Variants in PIEZO2 observed in about 807,000 individuals in gnomAD.
The protein encoded by PIEZO2 is piezo type mechanosensitive ion channel component 2, also known as piezo-type mechanosensitive ion channel component 2.
A neutral mutation model predicts 337.3 loss-of-function variants in PIEZO2; 172 were observed. The ratio of observed to expected loss-of-function variants is 0.51; its 90% confidence interval spans 0.45 to 0.58. The LOEUF is 0.58. PIEZO2 is among the 20% of genes least tolerant of loss of function. The probability of loss-of-function intolerance (pLI) is 0.00; values close to 1 mark genes in which losing one functional copy is unlikely to be tolerated. For missense variants in PIEZO2, 3,028 were observed against 3,391.3 expected (o/e 0.89, Z 2.66); for synonymous variants, 1,251 against 1,228.5 (o/e 1.02, Z -0.38).
Position 10,697,733 on chromosome 18 carries a change from T to C in PIEZO2, c.6827+15A>G, listed in dbSNP as rs899883883. 3 of 1,612,056 alleles carry C rather than the reference T, an allele frequency of 1.9e-6. No homozygotes were observed. Among genetic ancestry groups the C allele is most frequent in the Non-Finnish European group, 1.7e-6 (2 of 1,179,716 alleles). ...TACAATAAAGCACACATGCCATATG[T>C]TCTCATGGACTCACTTCTTTATGGT... On this transcript the variant is annotated intron_variant, in intron 45 of 55. Coordinates refer to ENST00000674853, the MANE Select transcript of PIEZO2 (RefSeq NM_001378183.1).
intron 2 of PIEZO2, among the ~76,000 whole-genome samples, chr18:11,026,650 C>T (rs1030078961): frequency 1.3e-5 from 2 of 152,248 alleles, no homozygotes; most frequent in East Asian, 1.9e-4. Context: ...GCTGCTCCCT[C>T]AGCCTGAATG....
chr18:11,004,464 A>G (rs2035652301), intron 2 of PIEZO2, among the ~76,000 whole-genome samples: 1 of 152,184 alleles, frequency 6.6e-6, no homozygotes, highest in Non-Finnish European at 1.5e-5. Context: ...GTGGGAAGAA[A>G]AGGTATGAGT....
In PIEZO2 at chr18:10,751,108, G is replaced by T. The variant is rs974064353; in HGVS notation, c.4168-921C>A. ...CATCCTTTTGTTTCTCAAAAATGTT[G>T]TAATAATTATCATTAACCCATTGCA... On this transcript the variant is annotated intron_variant, in intron 28 of 55. Transcript: ENST00000674853. 2.6e-5 allele frequency among the ~76,000 whole-genome samples: 4 copies of T among 152,182 alleles called. No individual in the cohort carries two copies. In the South Asian group the frequency reaches 6.2e-4, roughly 24 times the overall value.
In PIEZO2 at chr18:10,899,724, A is replaced by C. The variant is rs264175; in HGVS notation, c.329+11462T>G. Reference sequence around the variant, plus strand: ...CTGTCTACTGTTCATCATGCTGTCTACACCAAGACTTGAAATGTTTCAGTG... The same window carrying C: ...CTGTCTACTGTTCATCATGCTGTCTCCACCAAGACTTGAAATGTTTCAGTG... On this transcript the variant is annotated intron_variant, in intron 4 of 55. Transcript: ENST00000674853. This position sits in a 1 kb window ranked among gnomAD's most constrained non-coding sequence, Gnocchi z 4.6. Among the ~76,000 whole-genome samples, 76,005 of 151,984 alleles carry C rather than the reference A, an allele frequency of 0.5. 19,983 individuals carry two copies. Among genetic ancestry groups the C allele is most frequent in the East Asian group, 0.75 (3,873 of 5,160 alleles).
In PIEZO2 at chr18:10,919,047, G is replaced by T. The variant is rs4143518; in HGVS notation, c.287-7819C>A. On this transcript the variant is annotated intron_variant, in intron 3 of 55. Transcript: ENST00000674853. ...TTTATTCAAATATATGTGCTCAATTGAATTTTTTTAACACAGAGTTGAGTT... is the reference window on the plus strand; with the variant it reads ...TTTATTCAAATATATGTGCTCAATTTAATTTTTTTAACACAGAGTTGAGTT... 2.8e-4 allele frequency among the ~76,000 whole-genome samples: 43 copies of T among 151,956 alleles called. No homozygotes were observed. In the East Asian group the frequency reaches 7.3e-3, roughly 26 times the overall value.
chr18:10,917,019 C>T (rs376415402), intron 3 of PIEZO2, among the ~76,000 whole-genome samples: 21 of 152,274 alleles, frequency 1.4e-4, no homozygotes, highest in African/African-American at 4.8e-4. Context: ...TGTCATCAAA[C>T]TTCCTTGCAC....
intron 2 of PIEZO2, among the ~76,000 whole-genome samples, chr18:10,984,095 A>G: frequency 6.6e-6 from 1 of 152,200 alleles, no homozygotes; most frequent in East Asian, 1.9e-4. Flanking sequence ...ATACTGGAGA[A>G]GGTGACTACT....
chr18:10,725,265 C>T (rs1191643996), intron 36 of PIEZO2: 8 of 1,562,688 alleles, frequency 5.1e-6, no homozygotes, highest in Non-Finnish European at 6.2e-6. Flanking sequence ...GGCAGCTGCT[C>T]ACCAAGTGCC....
chr18:11,144,991 G>T (rs34562729), intron 1 of PIEZO2, among the ~76,000 whole-genome samples: 1 of 152,326 alleles, frequency 6.6e-6, no homozygotes, highest in South Asian at 2.1e-4. Context: ...TATACCTAAA[G>T]ACGGGTGGTA....
chr18:10,765,754 G>T (rs1023353067), intron 21 of PIEZO2, among the ~76,000 whole-genome samples: 1 of 152,160 alleles, frequency 6.6e-6, no homozygotes, highest in African/African-American at 2.4e-5. Context: ...CTGTGCTTGT[G>T]AGCTCGTGAG....
Position 10,759,456 on chromosome 18 carries a change from T to G in PIEZO2, c.3757+26A>C. The G allele has an allele frequency of 2.0e-6, 3 of 1,514,826 alleles. 1 individual carries two copies. In the South Asian group the frequency reaches 3.6e-5, roughly 18 times the overall value. 93.8% of individuals were successfully genotyped at this position (1,514,826 alleles called of 1,614,324 possible). On this transcript the variant is annotated intron_variant, in intron 26 of 55. Coordinates refer to ENST00000674853, the MANE Select transcript of PIEZO2 (RefSeq NM_001378183.1). The surrounding 1 kb of genome is among the most constrained non-coding windows in gnomAD (Gnocchi z 5.5). ...ACAGTAAACCCGGATACCAGCACTC[T>G]GTGGCCCTGCAGTGGAAACACTTAC... is the stretch of plus-strand genomic sequence containing the variant.
At chr18:10,965,973 A>T (rs1235067641) in intron 3 of PIEZO2, among the ~76,000 whole-genome samples, 3 of 152,226 alleles carry the variant, frequency 2.0e-5, no homozygotes, top group Admixed American at 2.0e-4. Flanking sequence ...TGTCTGGTAC[A>T]GATTCCCGTA....
At position 10,888,855 on chromosome 18, in the gene PIEZO2, C is replaced by G. The variant is rs1326245092; in HGVS notation, c.330-17440G>C. Among the ~76,000 whole-genome samples the G allele has an allele frequency of 6.6e-6, 1 of 152,058 alleles. No individual in the cohort carries two copies. Among genetic ancestry groups the G allele is most frequent in the Non-Finnish European group, 1.5e-5 (1 of 68,028 alleles). ...GCAACCCCCGAGACAGAGCCACTTT[C>G]TCATACAGGGTACACTTCCACCAAC... On this transcript the variant is annotated intron_variant, in intron 4 of 55. Transcript: ENST00000674853. The surrounding 1 kb of genome is among the most constrained non-coding windows in gnomAD (Gnocchi z 4.1).
intron 49 of PIEZO2, among the ~76,000 whole-genome samples, chr18:10,684,064 T>C (rs12969647): frequency 0.79 from 108,930 of 138,376 alleles, 43,261 homozygotes; most frequent in Non-Finnish European, 0.84. Context: ...CTCCCTCCCT[T>C]CCTTCCTTCC....
At chr18:10,684,216 A>C (rs1278148274) in intron 49 of PIEZO2, among the ~76,000 whole-genome samples, 3 of 112,230 alleles carry the variant, frequency 2.7e-5, no homozygotes, top group African/African-American at 1.1e-4. Flanking sequence ...CCCAGGCTGG[A>C]GTGCAGTGGC....
chr18:10,776,530 C>G (rs76283222), intron 18 of PIEZO2, among the ~76,000 whole-genome samples: 6 of 152,094 alleles, frequency 3.9e-5, no homozygotes, highest in African/African-American at 1.4e-4. Flanking sequence ...CTGTCATCAG[C>G]GCCTTCTTTA....
intron 47 of PIEZO2, among the ~76,000 whole-genome samples, chr18:10,693,025 T>C (rs1189133753): frequency 4.6e-5 from 7 of 152,146 alleles, no homozygotes; most frequent in Non-Finnish European, 1.0e-4. Flanking sequence ...GTCTTCTTGA[T>C]TTATTTAGGC....
chr18:10,975,665 T>C (rs184876676), intron 3 of PIEZO2, among the ~76,000 whole-genome samples: 1 of 152,310 alleles, frequency 6.6e-6, no homozygotes, highest in East Asian at 1.9e-4. Context: ...TAAATGCTAC[T>C]GTTGTCCCAC....
In PIEZO2 at chr18:10,673,555, A is replaced by G. The variant is rs2033869867; in HGVS notation, c.8162-682T>C. 6.6e-6 allele frequency among the ~76,000 whole-genome samples: 1 copy of G among 152,210 alleles called. No individual in the cohort carries two copies. On this transcript the variant is annotated intron_variant, in intron 54 of 55. Transcript: ENST00000674853. This position sits in a 1 kb window ranked among gnomAD's most constrained non-coding sequence, Gnocchi z 4.8. ...CATTTCAGGAAGAGTGATGGGACAC[A>G]GCTCAGCAAATCTCTGAGAACCATA... is the stretch of plus-strand genomic sequence containing the variant.
Sources: allele counts gnomAD v4.1 joint callset (sites outside exome capture counted in the v4.1 genomes callset), GRCh38; gene constraint gnomAD v4.1.1; non-coding constraint Gnocchi (gnomAD v3.1); transcripts MANE v1.5; gene names NCBI Gene and HGNC (gene_info 2026-07-23, HGNC 2026-07-21).